ARHGAP25: variants seen among roughly 807,000 people sequenced by gnomAD.
The protein encoded by ARHGAP25 is rho GTPase-activating protein 25.
Under a neutral mutation model 71.0 loss-of-function variants are expected in ARHGAP25, and 34 were observed. The observed-to-expected ratio is 0.48, with a 90% CI of 0.36 to 0.64. The LOEUF (loss-of-function observed/expected upper bound fraction) is 0.64. ARHGAP25 is among the 30% of genes least tolerant of loss of function. The pLI, the probability that ARHGAP25 is intolerant of heterozygous loss-of-function variation, is 0.00. For missense variants in ARHGAP25, 706 were observed against 805.1 expected (o/e 0.88, Z 1.49); for synonymous variants, 282 against 296.5 (o/e 0.95, Z 0.50).
At chr2:68,742,815 C>G (rs1675592018) in intron 1 of ARHGAP25, among the ~76,000 whole-genome samples, 2 of 152,306 alleles carry the variant, frequency 1.3e-5, no homozygotes, top group South Asian at 4.1e-4. Flanking sequence ...CTGCTCCTGG[C>G]TCACAGCACA....
chr2:68,756,459 G>C (rs1573446943), intron 1 of ARHGAP25, among the ~76,000 whole-genome samples: 1 of 152,204 alleles, frequency 6.6e-6, no homozygotes, highest in Non-Finnish European at 1.5e-5. Flanking sequence ...CTTTTCCTGT[G>C]TCTCCTTCAT....
At chr2:68,738,603 A>G (rs1675340722) in intron 1 of ARHGAP25, among the ~76,000 whole-genome samples, 1 of 152,104 alleles carries the variant, frequency 6.6e-6, no homozygotes, top group African/African-American at 2.4e-5. Flanking sequence ...GGTCCCTGAT[A>G]GATAAAGGTC....
chr2:68,735,505 CG>C (rs1675169788), intron 1 of ARHGAP25: 5 of 580,018 alleles, frequency 8.6e-6, no homozygotes, highest in Non-Finnish European at 1.5e-5. Context: ...TGGGGTACTT[CG>C]GATGATTTAA....
intron 4 of ARHGAP25, among the ~76,000 whole-genome samples, chr2:68,800,089 T>C (rs1205319620): frequency 2.0e-5 from 3 of 152,128 alleles, no homozygotes; most frequent in Non-Finnish European, 4.4e-5. Context: ...ACTAGAAGAC[T>C]CGTTTCCCAG....
chr2:68,824,259 C>G, intron 10 of ARHGAP25, among the ~76,000 whole-genome samples: 1 of 106,198 alleles, frequency 9.4e-6, no homozygotes. Context: ...CTGGCTGCCA[C>G]AGATGTGTCA....
At chr2:68,721,851 T>C (rs925648666) in intron 2 of ARHGAP25, among the ~76,000 whole-genome samples, 6 of 152,244 alleles carry the variant, frequency 3.9e-5, no homozygotes, top group African/African-American at 1.4e-4. Context: ...TGCTCTTCTC[T>C]AGGTGTCGAG....
At chr2:68,731,786 C>G (rs140963437), upstream of ARHGAP25, among the ~76,000 whole-genome samples, 120 of 152,004 alleles carry the variant, frequency 7.9e-4, no homozygotes, top group Non-Finnish European at 1.4e-3. Context: ...CTTCACTCCC[C>G]AAGTCCAGTT....
chr2:68,722,325 C>T (rs1286382286), intron 2 of ARHGAP25, among the ~76,000 whole-genome samples: 1 of 152,152 alleles, frequency 6.6e-6, no homozygotes, highest in Admixed American at 6.5e-5. Flanking sequence ...CATCTGTAAT[C>T]CCAGCACTTT....
chr2:68,787,200 C>A (rs1429237581), intron 3 of ARHGAP25, among the ~76,000 whole-genome samples: 1 of 152,170 alleles, frequency 6.6e-6, no homozygotes, highest in Non-Finnish European at 1.5e-5. Context: ...GAACACCAAC[C>A]GAGGAAACAC....
At chr2:68,719,333 G>A (rs777852352) in intron 2 of ARHGAP25, among the ~76,000 whole-genome samples, 7 of 150,706 alleles carry the variant, frequency 4.6e-5, no homozygotes, top group Non-Finnish European at 7.4e-5. Flanking sequence ...TGCGCCCTTC[G>A]TCTGTGGCAC....
chr2:68,766,257 C>T (rs963126246), intron 1 of ARHGAP25, among the ~76,000 whole-genome samples: 1 of 152,204 alleles, frequency 6.6e-6, no homozygotes, highest in Non-Finnish European at 1.5e-5. Context: ...AATTGTTCTT[C>T]CTTACACTAA....
chr2:68,732,595 G>A (rs968591121), upstream of ARHGAP25, among the ~76,000 whole-genome samples: 2 of 152,242 alleles, frequency 1.3e-5, no homozygotes, highest in Non-Finnish European at 2.9e-5. Flanking sequence ...GGGTAGCTGG[G>A]TAGACTGGGT....
chr2:68,740,544 A>C (rs1023386017), intron 1 of ARHGAP25, among the ~76,000 whole-genome samples: 11 of 151,996 alleles, frequency 7.2e-5, no homozygotes, highest in Admixed American at 6.5e-4. Context: ...CTCCCTTACC[A>C]CCACCAGTTC....
chr2:68,817,852 G>A, intron 7 of ARHGAP25, 21 bp from the exon 8 acceptor site: 1 of 1,613,006 alleles, frequency 6.2e-7, no homozygotes, highest in Non-Finnish European at 8.5e-7. Context: ...TTCTACCATG[G>A]GATTTCTTGG....
At chr2:68,811,499 T>C (rs2103654664) in intron 5 of ARHGAP25, among the ~76,000 whole-genome samples, 1 of 152,314 alleles carries the variant, frequency 6.6e-6, no homozygotes, top group Non-Finnish European at 1.5e-5. Flanking sequence ...TTTTGGGCAG[T>C]GACTCAGCAG....
intron 4 of ARHGAP25, among the ~76,000 whole-genome samples, chr2:68,802,996 C>A (rs898657764): frequency 6.7e-6 from 1 of 150,030 alleles, no homozygotes; most frequent in Non-Finnish European, 1.5e-5. Flanking sequence ...CACACATATA[C>A]ATACATACAT....
chr2:68,810,746 T>TTTTTTTTTC (rs1680744754), intron 5 of ARHGAP25, among the ~76,000 whole-genome samples: 1 of 148,806 alleles, frequency 6.7e-6, no homozygotes, highest in African/African-American at 2.5e-5. Context: ...TTTTTTTTTT[T>TTTTTTTTTC]TTTTTTGAGA....
At chr2:68,768,015 A>G (rs917796202) in intron 1 of ARHGAP25, among the ~76,000 whole-genome samples, 2 of 152,188 alleles carry the variant, frequency 1.3e-5, no homozygotes, top group South Asian at 2.1e-4. Flanking sequence ...TCCATCTCCA[A>G]TGTGGATGCC....
upstream of ARHGAP25, among the ~76,000 whole-genome samples, chr2:68,732,435 GCCGGGCCAGACAGCTACCTCTCTCACAC>G (rs551516835): frequency 6.6e-6 from 1 of 152,326 alleles, no homozygotes; most frequent in African/African-American, 2.4e-5. Flanking sequence ...ATGCTGCTGG[GCCGGGCCAGACAGCTACCTCTCTCACAC>G]CCGCTTAATT....
Sources: allele counts gnomAD v4.1 joint callset (sites outside exome capture counted in the v4.1 genomes callset), GRCh38; gene constraint gnomAD v4.1.1; transcripts MANE v1.5; gene names NCBI Gene and HGNC (gene_info 2026-07-23, HGNC 2026-07-21).